The following ANKRD55 variants were observed in gnomAD, a reference collection of about 807,000 sequenced individuals.
ANKRD55 encodes ankyrin repeat domain 55, also known as ankyrin repeat domain-containing protein 55.
In ANKRD55, 41 loss-of-function variants were observed where a neutral mutation model predicts 60.6. The ratio of observed to expected loss-of-function variants is 0.68; its 90% CI spans 0.53 to 0.88. The LOEUF is 0.88. Among genes scored for constraint, ANKRD55 ranks in the 40% least tolerant of loss-of-function variants. ANKRD55 has a pLI of 0.00. For synonymous variants in ANKRD55, 264 were observed against 290.3 expected (o/e 0.91, Z 0.92); for missense variants, 732 against 767.6 (o/e 0.95, Z 0.55).
At chr5:56,138,324 C>T (rs187229713) in intron 7 of ANKRD55, among the ~76,000 whole-genome samples, 3 of 152,194 alleles carry the variant, frequency 2.0e-5, no homozygotes, top group Non-Finnish European at 2.9e-5. Context: ...GACAGGGATT[C>T]ACCATGTTGG....
chr5:56,224,867 G>T (rs1402700793), intron 2 of ANKRD55, among the ~76,000 whole-genome samples: 1 of 152,104 alleles, frequency 6.6e-6, no homozygotes. Flanking sequence ...AAAAAGTCCA[G>T]GACCAGACAG....
chr5:56,143,284 CCT>C (rs896329305), intron 7 of ANKRD55, among the ~76,000 whole-genome samples: 1 of 152,088 alleles, frequency 6.6e-6, no homozygotes, highest in African/African-American at 2.4e-5. Flanking sequence ...TTGGTTTTGC[CCT>C]CTCTGGACAA....
At chr5:56,121,429 G>A (rs1406378948) in intron 8 of ANKRD55, among the ~76,000 whole-genome samples, 3 of 141,320 alleles carry the variant, frequency 2.1e-5, no homozygotes, top group Non-Finnish European at 4.5e-5. Flanking sequence ...TTGGGGTGCA[G>A]TGGCACAATC....
chr5:56,172,437 AGGCATGCTG>A (rs1404296298), intron 4 of ANKRD55, among the ~76,000 whole-genome samples: 27 of 152,232 alleles, frequency 1.8e-4, no homozygotes, highest in African/African-American at 6.3e-4. Flanking sequence ...CCCAAAAGAA[AGGCATGCTG>A]GGCAAATTTC....
chr5:56,126,955 T>C lies in ANKRD55; in HGVS notation c.764A>G (p.Glu255Gly), dbSNP rs891588692. Residue 255 changes from glutamate to glycine, a missense_variant, in exon 8 of 12, where the codon GAG (glutamate) becomes GGG (glycine). Physicochemically the swap from Glu to Gly is moderately conservative, Grantham distance 98. Transcript: ENST00000341048. ...CACATCCAGAGCCTGCAGGTTACAC[T>C]CAGGGACTCTTGCCAGCTCATGAAT... ...DIIHELARVP[E>G]CNLQALDVDD... is the part of the protein sequence containing the mutation. The C allele has an allele frequency of 6.2e-7, 1 of 1,613,616 alleles. No individual in the cohort carries two copies. The highest frequency in any genetic ancestry group is 1.3e-5 in the African/African-American group (1 of 74,924).
chr5:56,203,024 A>T (rs1248690871), intron 2 of ANKRD55, among the ~76,000 whole-genome samples: 7 of 152,166 alleles, frequency 4.6e-5, no homozygotes, highest in African/African-American at 1.7e-4. Flanking sequence ...GGCCTTTAGG[A>T]TGGAGGCAAT....
chr5:56,173,541 C>CCTGTCT (rs1355222228), intron 4 of ANKRD55, among the ~76,000 whole-genome samples: 3 of 61,532 alleles, frequency 4.9e-5, no homozygotes, highest in African/African-American at 1.8e-4. Flanking sequence ...TAGAGATTCG[C>CCTGTCT]CTCTCTCTCT....
intron 2 of ANKRD55, among the ~76,000 whole-genome samples, chr5:56,228,418 C>T (rs1432699015): frequency 6.6e-6 from 1 of 151,612 alleles, no homozygotes. Flanking sequence ...GGAGAAGGCC[C>T]CCAGCTGACT....
chr5:56,125,015 A>G (rs1757199080), intron 8 of ANKRD55, among the ~76,000 whole-genome samples: 1 of 152,006 alleles, frequency 6.6e-6, no homozygotes, highest in Non-Finnish European at 1.5e-5. Flanking sequence ...TTTTCCCCTT[A>G]GTTTTACTTT....
intron 7 of ANKRD55, among the ~76,000 whole-genome samples, chr5:56,134,452 G>GCT (rs1216709808): frequency 9.0e-6 from 1 of 110,596 alleles, no homozygotes; most frequent in Admixed American, 8.8e-5. Flanking sequence ...GGTGGCAGGC[G>GCT]CCTGTAATCC....
At chr5:56,131,569 G>T (rs148646355) in intron 7 of ANKRD55, among the ~76,000 whole-genome samples, 6,601 of 152,044 alleles carry the variant, frequency 0.043, 481 homozygotes, top group African/African-American at 0.15. Flanking sequence ...GCTGAGGCAG[G>T]TGGATCACCT....
intron 8 of ANKRD55, 79 bp downstream of exon 8, chr5:56,126,843 C>T: frequency 6.7e-7 from 1 of 1,489,898 alleles, no homozygotes; most frequent in East Asian, 2.3e-5. Context: ...AGGACACCTC[C>T]TTAAACATCT....
At chr5:56,157,813 G>A (rs1490406241) in intron 6 of ANKRD55, among the ~76,000 whole-genome samples, 1 of 152,104 alleles carries the variant, frequency 6.6e-6, no homozygotes, top group African/African-American at 2.4e-5. Context: ...CTCAGAGACC[G>A]GAGCCGGCGC....
At chr5:56,135,456 G>A (rs1479034146) in intron 7 of ANKRD55, among the ~76,000 whole-genome samples, 5 of 151,174 alleles carry the variant, frequency 3.3e-5, no homozygotes, top group African/African-American at 4.9e-5. Flanking sequence ...TGTGACCTCC[G>A]CCTCCCAGGT....
At chr5:56,164,505 G>A (rs1758404139) in intron 5 of ANKRD55, among the ~76,000 whole-genome samples, 1 of 152,164 alleles carries the variant, frequency 6.6e-6, no homozygotes, top group Non-Finnish European at 1.5e-5. Context: ...AAAAGAGGCA[G>A]AGTGGCTGGC....
intron 2 of ANKRD55, among the ~76,000 whole-genome samples, chr5:56,201,253 G>A (rs1759369254): frequency 6.6e-6 from 1 of 152,154 alleles, no homozygotes; most frequent in Admixed American, 6.5e-5. Flanking sequence ...CCACCTTTAA[G>A]GAGCATGCCA....
rs1165005774 is a variant in ANKRD55 at position 56,173,576 on chromosome 5, C to CTATA, written c.312+2575_312+2576insTATA. On this transcript the variant is annotated intron_variant, in intron 4 of 11. Coordinates refer to ENST00000341048, the MANE Select transcript of ANKRD55 (RefSeq NM_024669.3). The stretch of plus-strand genomic sequence containing the variant: ...TCTCTCTCTCTCTCTCTCTCTCTCT[C>CTATA]TCTCTCTATATATATATATATATAT... Among the ~76,000 whole-genome samples, 188 of 85,364 alleles carry CTATA rather than the reference C, an allele frequency of 2.2e-3. 1 individual carries two copies. The highest frequency in any genetic ancestry group is 2.7e-3 in the Non-Finnish European group (120 of 45,060). 56.0% of individuals were successfully genotyped at this position (85,364 alleles called of 152,430 possible). A position where few individuals can be genotyped will look rare whatever the true frequency, so the allele number is the denominator to read the frequency against.
intron 5 of ANKRD55, chr5:56,162,062 C>T: frequency 1.0e-6 from 1 of 985,148 alleles, no homozygotes; most frequent in East Asian, 1.1e-4. Flanking sequence ...CTCTAGGGCC[C>T]ATTTGGTCTG....
chr5:56,146,175 C>T (rs1250584440), intron 6 of ANKRD55, among the ~76,000 whole-genome samples: 3 of 152,104 alleles, frequency 2.0e-5, no homozygotes, highest in African/African-American at 7.2e-5. Context: ...TGCATGAGAG[C>T]AGGGCCTTTG....
Sources: gnomAD v4.1 joint callset for allele counts (sites outside exome capture counted in the v4.1 genomes callset) on GRCh38, gnomAD v4.1.1 for gene constraint, MANE v1.5 for transcripts, NCBI Gene and HGNC (gene_info 2026-07-23, HGNC 2026-07-21) for gene names.